Variants in C1orf146 observed in about 807,000 individuals in gnomAD.
The protein encoded by C1orf146 is protein SPO16 homolog.
Under a neutral mutation model 23.0 loss-of-function variants are expected in C1orf146, and 22 were observed. The observed-to-expected ratio is 0.96, with a 90% CI of 0.68 to 1.36. C1orf146 has a LOEUF of 1.36. Among genes scored for constraint, C1orf146 ranks in the 40% most tolerant of loss-of-function variants. The pLI is 0.00. For synonymous variants in C1orf146, 59 were observed against 65.3 expected (o/e 0.90, Z 0.47); for missense variants, 199 against 206.8 (o/e 0.96, Z 0.23).
intron 1 of C1orf146, chr1:92,229,470 A>G: frequency 2.1e-6 from 1 of 482,132 alleles, no homozygotes; most frequent in Non-Finnish European, 4.1e-6. Flanking sequence ...TCTTTGTACC[A>G]TCTTCTTTCT....
At chr1:92,237,596 A>G (rs1652328267) in intron 2 of C1orf146, among the ~76,000 whole-genome samples, 1 of 152,186 alleles carries the variant, frequency 6.6e-6, no homozygotes, top group East Asian at 1.9e-4. Context: ...TCAGATCTCC[A>G]GCTGCGTGCT....
intron 1 of C1orf146, chr1:92,228,960 A>G (rs1652036821): frequency 2.3e-6 from 1 of 434,050 alleles, no homozygotes; most frequent in Non-Finnish European, 4.5e-6. Context: ...GGACAAATTT[A>G]TACTTCTGAA....
chr1:92,229,834 G>GA (rs1190252130), intron 1 of C1orf146, among the ~76,000 whole-genome samples: 1 of 151,874 alleles, frequency 6.6e-6, no homozygotes, highest in African/African-American at 2.4e-5. Flanking sequence ...ATAAGAAAAA[G>GA]AAAAAAGTAA....
Position 92,240,346 on chromosome 1 carries a change from C to G in C1orf146, c.67-1866C>G, listed in dbSNP as rs150120572. On this transcript the variant is annotated intron_variant, in intron 2 of 5. Transcript: ENST00000370375. ...ATAATTTTTTACTATCCTGTTAGCTCTCTGGTGTATTCAAGCAGATTTTAA... is the reference window on the plus strand; with the variant it reads ...ATAATTTTTTACTATCCTGTTAGCTGTCTGGTGTATTCAAGCAGATTTTAA... Among the ~76,000 whole-genome samples, 21 of 152,032 alleles carry G rather than the reference C, an allele frequency of 1.4e-4. No homozygotes were observed. The East Asian group carries it at 4.1e-3, about 29-fold the overall frequency.
chr1:92,242,726 A>G (rs1351729038), intron 3 of C1orf146, among the ~76,000 whole-genome samples: 2 of 152,254 alleles, frequency 1.3e-5, no homozygotes, highest in African/African-American at 4.8e-5. Flanking sequence ...CAAAAGAATC[A>G]TGGGGACAAA....
chr1:92,231,710 GT>G (rs752241133), intron 2 of C1orf146, among the ~76,000 whole-genome samples: 67 of 145,542 alleles, frequency 4.6e-4, no homozygotes, highest in Middle Eastern at 3.5e-3. Context: ...ATTTTCTAAA[GT>G]TTTTTTTTTT....
chr1:92,222,764 T>C (rs1417600967), intron 1 of C1orf146, among the ~76,000 whole-genome samples: 3 of 151,724 alleles, frequency 2.0e-5, no homozygotes, highest in African/African-American at 4.8e-5. Flanking sequence ...TTTTTTGTAT[T>C]TTTAGTAGAG....
At position 92,231,480 on chromosome 1, in the gene C1orf146, T is replaced by C. The variant is rs142816984; in HGVS notation, c.60T>C (p.Ser20=). 6.8e-6 allele frequency: 11 copies of C among 1,607,476 alleles called. No individual in the cohort carries two copies. The African/African-American group carries it at 1.3e-4, about 20-fold the overall frequency. Residue 20 remains serine (S), a synonymous_variant, in exon 2 of 6, where the codon TCT becomes TCC. Coordinates refer to ENST00000370375, the MANE Select transcript of C1orf146 (RefSeq NM_001012425.2). ...CAACCACCATTATTATTAGCTCATC[T>C]CTTAAGGTAAAGGGGCATTTGGGCC... The part of the protein sequence containing the change: ...KWTTTIIISS[S]LKSYEVATAL...
At chr1:92,235,493 G>A (rs1345082868) in intron 2 of C1orf146, among the ~76,000 whole-genome samples, 2 of 152,150 alleles carry the variant, frequency 1.3e-5, no homozygotes, top group African/African-American at 2.4e-5. Flanking sequence ...TATAATTTCT[G>A]TTCTTTTACA....
In C1orf146 at chr1:92,242,247, C is replaced by T; in HGVS notation, c.102C>T (p.Ser34=). The part of the protein sequence containing the change: ...YEVATALENR[S]HKVRYSDSVE... ...TTGCAACTGCCCTAGAAAATCGAAG[C>T]CACAAAGTTCGATATTCAGATTCAG... Residue 34 remains serine (S), a synonymous_variant, in exon 3 of 6, where the codon AGC becomes AGT. Transcript: ENST00000370375. 1.9e-6 allele frequency: 3 copies of T among 1,601,118 alleles called. No homozygotes were observed. The highest frequency in any genetic ancestry group is 2.6e-6 in the Non-Finnish European group (3 of 1,173,024).
chr1:92,239,142 T>C (rs1206386368), intron 2 of C1orf146, among the ~76,000 whole-genome samples: 1 of 152,210 alleles, frequency 6.6e-6, no homozygotes, highest in East Asian at 1.9e-4. Flanking sequence ...GCCAAAATTC[T>C]CAAGCTAGGT....
chr1:92,230,721 G>T (rs975270018), intron 1 of C1orf146, among the ~76,000 whole-genome samples: 1 of 152,008 alleles, frequency 6.6e-6, no homozygotes, highest in Non-Finnish European at 1.5e-5. Flanking sequence ...TTGAGGCTAG[G>T]ATCGCACCCC....
chr1:92,228,540 A>C (rs1354455491), intron 1 of C1orf146, among the ~76,000 whole-genome samples: 1 of 152,192 alleles, frequency 6.6e-6, no homozygotes, highest in Admixed American at 6.5e-5. Flanking sequence ...TTCTAGATAC[A>C]GCTGTGACTC....
intron 2 of C1orf146, among the ~76,000 whole-genome samples, chr1:92,234,841 A>G (rs1652236055): frequency 6.6e-6 from 1 of 152,126 alleles, no homozygotes; most frequent in South Asian, 2.1e-4. Flanking sequence ...TAGTCTTGGG[A>G]GAGTGTATGT....
At position 92,245,687 on chromosome 1, in the gene C1orf146, A is replaced by T. The variant is rs1652605448; in HGVS notation, c.*13A>T. On this transcript the variant is annotated 3_prime_UTR_variant, in exon 6 of 6. Transcript: ENST00000370375. ...TAACCCAAATTAGAGTACCAACTTA[A>T]TGTTTTTCTCGAAGAATGTGAAAAT... is the stretch of plus-strand genomic sequence containing the variant. The T allele has an allele frequency of 2.6e-6, 4 of 1,510,948 alleles. No individual in the cohort carries two copies. The East Asian group carries it at 9.7e-5, about 36-fold the overall frequency. The allele number at this position is 1,510,948 out of a possible 1,614,324, so 93.6% of individuals were successfully genotyped here.
rs1652509431 is a variant in C1orf146, at chr1:92,244,254, T to C, written c.198T>C (p.Leu66=). ...TATTAATGGATACTAAGGAATGTCT[T>C]CTGTCAACTGAAGAAATATTTCTAG... ...AFLLMDTKEC[L]LSTEEIFLAK... Residue 66 remains leucine, a synonymous_variant, in exon 4 of 6, where the codon CTT becomes CTC. Coordinates refer to ENST00000370375, the MANE Select transcript of C1orf146 (RefSeq NM_001012425.2). The C allele has an allele frequency of 1.2e-6, 2 of 1,603,866 alleles. No individual in the cohort carries two copies. Among genetic ancestry groups the C allele is most frequent in the Non-Finnish European group, 8.5e-7 (1 of 1,173,108 alleles).
At chr1:92,223,245 C>T (rs1651878445) in intron 1 of C1orf146, among the ~76,000 whole-genome samples, 2 of 152,104 alleles carry the variant, frequency 1.3e-5, no homozygotes, top group Non-Finnish European at 2.9e-5. Context: ...AAACTATTTT[C>T]CAAGTGCTTG....
chr1:92,236,748 A>G (rs1652287492), intron 2 of C1orf146, among the ~76,000 whole-genome samples: 2 of 152,188 alleles, frequency 1.3e-5, no homozygotes, highest in African/African-American at 2.4e-5. Context: ...AGGTACACCA[A>G]TCAGACGTAG....
rs1211791569 is a variant in C1orf146, at chr1:92,244,932, A to G, written c.408+75A>G. ...TTAACTTCCAATTGTCACCCTTTTG[A>G]GCGAGACTGGCAAATATCATGCTTC... On this transcript the variant is annotated intron_variant, in intron 5 of 5. Transcript: ENST00000370375. 3.5e-6 allele frequency: 3 copies of G among 846,480 alleles called. No homozygotes were observed. In the Admixed American group the frequency reaches 5.9e-5, roughly 17 times the overall value. The allele number at this position is 846,480 out of a possible 1,614,324, so 52.4% of individuals were successfully genotyped here. A position where few individuals can be genotyped will look rare whatever the true frequency, so the allele number is the denominator to read the frequency against.
Sources: allele counts gnomAD v4.1 joint callset (sites outside exome capture counted in the v4.1 genomes callset), GRCh38; gene constraint gnomAD v4.1.1; transcripts MANE v1.5; gene names NCBI Gene and HGNC (gene_info 2026-07-23, HGNC 2026-07-21).